The following TRMT11 variants were observed in gnomAD, a reference collection of about 807,000 sequenced individuals.
The protein encoded by TRMT11 is tRNA methyltransferase 11.
A neutral mutation model predicts 62.8 loss-of-function variants in TRMT11; 53 were observed. The ratio of observed to expected loss-of-function variants is 0.84; its 90% confidence interval spans 0.68 to 1.06. The LOEUF (loss-of-function observed/expected upper bound fraction) is 1.06. Among genes scored for constraint, TRMT11 ranks in the 50% least tolerant of loss-of-function variants. TRMT11 has a pLI of 0.00. For missense variants in TRMT11, 556 were observed against 553.4 expected (o/e 1.00, Z -0.05); for synonymous variants, 188 against 190.3 (o/e 0.99, Z 0.10).
chr6:126,269,697 A>G, the TRMT11 span, among the ~76,000 whole-genome samples: 1 of 152,234 alleles, frequency 6.6e-6, no homozygotes, highest in Non-Finnish European at 1.5e-5. Context: ...TATACACAGC[A>G]GAATACAATA....
chr6:126,222,153 TG>T, the TRMT11 span, among the ~76,000 whole-genome samples: 2 of 152,226 alleles, frequency 1.3e-5, no homozygotes, highest in Non-Finnish European at 2.9e-5. Flanking sequence ...TTCTCTAACC[TG>T]TTCCATTAGT....
At chr6:125,994,745 A>T (rs924343763) in intron 2 of TRMT11, among the ~76,000 whole-genome samples, 4 of 152,240 alleles carry the variant, frequency 2.6e-5, no homozygotes, top group Admixed American at 2.0e-4. Flanking sequence ...GAAAATGTAC[A>T]TATACACCAT....
At chr6:126,025,738 T>A (rs1772939604) in intron 12 of TRMT11, among the ~76,000 whole-genome samples, 1 of 152,220 alleles carries the variant, frequency 6.6e-6, no homozygotes, top group Admixed American at 6.5e-5. Context: ...TTCAGCATTG[T>A]TGATTTTGGC....
chr6:126,258,341 G>T, the TRMT11 span: 1 of 381,550 alleles, frequency 2.6e-6, no homozygotes, highest in South Asian at 2.1e-5. Flanking sequence ...CGTCTGCCAT[G>T]GCGGCTGCCA....
the TRMT11 span, among the ~76,000 whole-genome samples, chr6:126,269,277 AAAAAAAAAAAAT>A: frequency 3.3e-5 from 5 of 150,724 alleles, no homozygotes; most frequent in African/African-American, 1.2e-4. Flanking sequence ...AAAAAAAAAA[AAAAAAAAAAAAT>A]ATGACTGGGT....
At chr6:126,021,034 A>G (rs1795731232) in intron 11 of TRMT11, 126 bp from the exon 12 acceptor site, 27 of 1,046,090 alleles carry the variant, frequency 2.6e-5, no homozygotes, top group Non-Finnish European at 3.5e-5. Flanking sequence ...TCATGTGGAC[A>G]GTTAGCATAT....
intron 17 of TRMT11, among the ~76,000 whole-genome samples, chr6:126,088,359 C>A (rs1457220577): frequency 2.0e-5 from 3 of 152,064 alleles, no homozygotes; most frequent in Non-Finnish European, 4.4e-5. Context: ...GTTTTCAACT[C>A]TGGATGTACA....
chr6:126,175,322 C>T (rs1778373054), upstream of TRMT11, among the ~76,000 whole-genome samples: 1 of 152,172 alleles, frequency 6.6e-6, no homozygotes, highest in African/African-American at 2.4e-5. Flanking sequence ...CCTTTTCTGA[C>T]ATAGGTTTAG....
At chr6:126,243,267 T>C in the TRMT11 span, among the ~76,000 whole-genome samples, 30 of 152,242 alleles carry the variant, frequency 2.0e-4, no homozygotes, top group African/African-American at 7.0e-4. Flanking sequence ...ATGGCGATCA[T>C]TAAAAAGTCA....
the TRMT11 span, among the ~76,000 whole-genome samples, chr6:126,226,891 T>G: frequency 1.3e-5 from 2 of 152,142 alleles, no homozygotes; most frequent in African/African-American, 4.8e-5. Flanking sequence ...AGGTCTCCTG[T>G]GCTGTTCTCA....
the TRMT11 span, among the ~76,000 whole-genome samples, chr6:126,250,843 T>C: frequency 6.6e-6 from 1 of 152,176 alleles, no homozygotes; most frequent in Non-Finnish European, 1.5e-5. Context: ...TATTAAGCTT[T>C]GGTCGTTAGC....
the TRMT11 span, among the ~76,000 whole-genome samples, chr6:126,265,517 A>G: frequency 1.3e-5 from 2 of 152,176 alleles, no homozygotes; most frequent in African/African-American, 2.4e-5. Context: ...ATATAAAACT[A>G]TAAAATGAAA....
chr6:126,068,608 T>C (rs970723760), intron 17 of TRMT11, among the ~76,000 whole-genome samples: 1 of 152,242 alleles, frequency 6.6e-6, no homozygotes, highest in Non-Finnish European at 1.5e-5. Context: ...TACATCTTTG[T>C]GCCAGTACCA....
intron 17 of TRMT11, among the ~76,000 whole-genome samples, chr6:126,079,460 G>A (rs1777109881): frequency 6.6e-6 from 1 of 152,038 alleles, no homozygotes; most frequent in Admixed American, 6.6e-5. Context: ...CATGCTAACT[G>A]CACACTCATT....
intron 21 of TRMT11, among the ~76,000 whole-genome samples, chr6:126,151,874 CTCCT>C (rs1778055234): frequency 2.5e-5 from 2 of 79,654 alleles, no homozygotes; most frequent in African/African-American, 1.2e-4. Context: ...TTCCTTCTTT[CTCCT>C]TCCTTCCTTG....
Position 126,011,319 on chromosome 6 carries a change from A to G in TRMT11, c.827A>G (p.Gln276Arg). The G allele has an allele frequency of 6.2e-7, 1 of 1,613,516 alleles. No individual in the cohort carries two copies. The highest frequency in any genetic ancestry group is 8.5e-7 in the Non-Finnish European group (1 of 1,179,638). ...GAAAACATTAGGGCCAATCTTCGTC[A>G]ATATGGTTTAGAGAAGTATTACCTT... ...PDENIRANLR[Q>R]YGLEKYYLDV... The change falls in exon 9 of 13, where the codon CAA becomes CGA. Residue 276 changes from glutamine to arginine, a missense_variant. By Grantham distance (43) the Gln-to-Arg change is conservative. Coordinates refer to ENST00000334379, the MANE Select transcript of TRMT11 (RefSeq NM_001031712.3).
intron 1 of TRMT11, among the ~76,000 whole-genome samples, chr6:126,193,797 T>G (rs1778633690): frequency 6.6e-6 from 1 of 152,144 alleles, no homozygotes; most frequent in Non-Finnish European, 1.5e-5. Context: ...TTTCTGTGTT[T>G]TTGATGTAGA....
chr6:126,027,597 G>A (rs1773425366), intron 12 of TRMT11, among the ~76,000 whole-genome samples: 1 of 151,976 alleles, frequency 6.6e-6, no homozygotes. Flanking sequence ...GTATTATATG[G>A]CTATTAATTC....
intron 1 of TRMT11, among the ~76,000 whole-genome samples, chr6:125,988,845 A>G (rs981803942): frequency 6.6e-6 from 1 of 152,202 alleles, no homozygotes; most frequent in Non-Finnish European, 1.5e-5. Flanking sequence ...GTCATGAAGG[A>G]AGATTGTGGC....
Sources: gnomAD v4.1 joint callset for allele counts (sites outside exome capture counted in the v4.1 genomes callset) on GRCh38, gnomAD v4.1.1 for gene constraint, MANE v1.5 for transcripts, NCBI Gene and HGNC (gene_info 2026-07-23, HGNC 2026-07-21) for gene names.